GRAMD1B: variants seen among roughly 807,000 people sequenced by gnomAD.
The protein encoded by GRAMD1B is GRAM domain containing 1B, also known as protein Aster-B.
A neutral mutation model predicts 99.7 loss-of-function variants in GRAMD1B; 37 were observed. The observed-to-expected ratio is 0.37, with a 90% CI of 0.29 to 0.49. The LOEUF (loss-of-function observed/expected upper bound fraction) is 0.49. Ranked by LOEUF, GRAMD1B falls within the 20% of genes least tolerant of loss-of-function variation. The pLI, the probability that GRAMD1B is intolerant of heterozygous loss-of-function variation, is 0.98. For synonymous variants in GRAMD1B, 427 were observed against 387.6 expected, an observed-to-expected ratio of 1.10 and a Z score of -1.19; for missense variants, 888 against 1,009.2, an observed-to-expected ratio of 0.88 and a Z score of 1.63.
intron 2 of GRAMD1B, among the ~76,000 whole-genome samples, chr11:123,482,124 A>G (rs1951643012): frequency 6.6e-6 from 1 of 151,714 alleles, no homozygotes; most frequent in African/African-American, 2.4e-5. Flanking sequence ...TCTGAGACAG[A>G]ATCTCGCTCT....
chr11:123,424,253 CAAAAAAA>C (rs1029881122), intron 1 of GRAMD1B, among the ~76,000 whole-genome samples: 36 of 104,256 alleles, frequency 3.5e-4, no homozygotes, highest in Non-Finnish European at 5.5e-4. Flanking sequence ...CCCCCAACAC[CAAAAAAA>C]AAAAAAAAAA....
chr11:123,600,582 C>T, intron 8 of GRAMD1B, 34 bp downstream of exon 8: 1 of 1,347,186 alleles, frequency 7.4e-7, no homozygotes, highest in Non-Finnish European at 1.1e-6. Context: ...TACTGTGGGA[C>T]TGGCTATCTC....
At chr11:123,479,111 G>A (rs1443214666) in intron 1 of GRAMD1B, among the ~76,000 whole-genome samples, 7 of 152,192 alleles carry the variant, frequency 4.6e-5, no homozygotes, top group East Asian at 1.9e-4. Context: ...CTGTAAAAAC[G>A]TGCTGCATGG....
chr11:123,549,118 C>T (rs1017858125), intron 2 of GRAMD1B, among the ~76,000 whole-genome samples: 22 of 152,254 alleles, frequency 1.4e-4, no homozygotes, highest in Admixed American at 1.2e-3. Context: ...GGGCAGGGTT[C>T]GGCAGTGCAC....
At chr11:123,416,944 G>A (rs984025831) in intron 1 of GRAMD1B, among the ~76,000 whole-genome samples, 30 of 152,210 alleles carry the variant, frequency 2.0e-4, no homozygotes, top group African/African-American at 6.8e-4. Flanking sequence ...GAATGAACTT[G>A]CTAATAAGTG....
chr11:123,619,010 T>C (rs1954797199), intron 18 of GRAMD1B, 97 bp from the exon 19 acceptor site: 2 of 734,956 alleles, frequency 2.7e-6, no homozygotes, highest in South Asian at 3.5e-5. Flanking sequence ...GACAAAGCAC[T>C]CTGATGTGAC....
intron 8 of GRAMD1B, 47 bp downstream of exon 8, chr11:123,600,595 G>T: frequency 8.1e-7 from 1 of 1,230,718 alleles, no homozygotes; most frequent in East Asian, 2.3e-5. Flanking sequence ...GCTATCTCTA[G>T]AGAAGCCTTT....
intron 1 of GRAMD1B, among the ~76,000 whole-genome samples, chr11:123,409,570 T>C (rs942943423): frequency 6.6e-6 from 1 of 152,244 alleles, no homozygotes. Flanking sequence ...CAATTGTCAA[T>C]TATTCGTCTT....
At chr11:123,488,436 C>T (rs146051524) in intron 2 of GRAMD1B, among the ~76,000 whole-genome samples, 4 of 152,312 alleles carry the variant, frequency 2.6e-5, no homozygotes, top group East Asian at 3.9e-4. Context: ...AAACCTGTGG[C>T]CTGGCATTAA....
At chr11:123,447,631 C>G (rs79550317) in intron 1 of GRAMD1B, among the ~76,000 whole-genome samples, 1 of 152,222 alleles carries the variant, frequency 6.6e-6, no homozygotes, top group Admixed American at 6.5e-5. Context: ...CTCACTCTCT[C>G]TGGGCCTCAG....
chr11:123,527,979 GTCT>G (rs1199454816), intron 2 of GRAMD1B, among the ~76,000 whole-genome samples: 1 of 152,134 alleles, frequency 6.6e-6, no homozygotes, highest in African/African-American at 2.4e-5. Flanking sequence ...GGATAATTTT[GTCT>G]TCTTCAGAAA....
chr11:123,359,909 A>C (rs185391766), intron 1 of GRAMD1B, among the ~76,000 whole-genome samples: 2 of 152,274 alleles, frequency 1.3e-5, no homozygotes, highest in East Asian at 3.9e-4. Context: ...CCTTTTGGAG[A>C]TACAAATAGT....
chr11:123,487,807 A>G (rs779523785), intron 2 of GRAMD1B, among the ~76,000 whole-genome samples: 1 of 152,086 alleles, frequency 6.6e-6, no homozygotes, highest in Non-Finnish European at 1.5e-5. Context: ...GGGTTTCACC[A>G]TGTTGGCCAG....
chr11:123,468,334 CATTCATCAG>C (rs1296377628), intron 1 of GRAMD1B, among the ~76,000 whole-genome samples: 1 of 152,044 alleles, frequency 6.6e-6, no homozygotes, highest in Non-Finnish European at 1.5e-5. Flanking sequence ...GATATTTGCA[CATTCATCAG>C]ATATGTATTA....
intron 1 of GRAMD1B, among the ~76,000 whole-genome samples, chr11:123,472,499 GA>G (rs1222742421): frequency 6.6e-6 from 1 of 152,128 alleles, no homozygotes; most frequent in Non-Finnish European, 1.5e-5. Flanking sequence ...CTCATGCCAA[GA>G]AAATTAAGGA....
intron 2 of GRAMD1B, among the ~76,000 whole-genome samples, chr11:123,513,605 C>CTTTCTTTCTTTCTTTCTTT (rs1555050188): frequency 4.3e-3 from 135 of 31,688 alleles, no homozygotes; most frequent in African/African-American, 7.8e-3. Flanking sequence ...TTCCTTCCTT[C>CTTTCTTTCTTTCTTTCTTT]CTTCCTTCCT....
At chr11:123,506,808 C>T (rs946030922) in intron 2 of GRAMD1B, among the ~76,000 whole-genome samples, 5 of 152,028 alleles carry the variant, frequency 3.3e-5, no homozygotes, top group Non-Finnish European at 5.9e-5. Context: ...TTCTTTGACT[C>T]TGGGACTTCT....
At chr11:123,381,346 TTAATGGCAA>T (rs1946866084) in intron 1 of GRAMD1B, 8 of 154,226 alleles carry the variant, frequency 5.2e-5, no homozygotes, top group Admixed American at 2.6e-4. Context: ...AGGGAAGTGC[TTAATGGCAA>T]TCCAATTCTC....
intron 1 of GRAMD1B, among the ~76,000 whole-genome samples, chr11:123,453,395 C>T (rs1949976040): frequency 6.6e-6 from 1 of 152,126 alleles, no homozygotes; most frequent in Non-Finnish European, 1.5e-5. Flanking sequence ...TGGCTCACTG[C>T]ACCCTCTGCC....
Sources: gnomAD v4.1 joint callset for allele counts (sites outside exome capture counted in the v4.1 genomes callset) on GRCh38, gnomAD v4.1.1 for gene constraint, MANE v1.5 for transcripts, NCBI Gene and HGNC (gene_info 2026-07-23, HGNC 2026-07-21) for gene names.